The following COMMD1 variants were observed in gnomAD, a reference collection of about 807,000 sequenced individuals.
The protein encoded by COMMD1 is COMM domain-containing protein 1.
COMMD1 carries 10 observed loss-of-function variants against 17.2 expected under a neutral mutation model. That is an observed-to-expected ratio of 0.58 (90% CI 0.36 to 0.99). COMMD1 has a LOEUF of 0.99. Among genes scored for constraint, COMMD1 ranks in the 50% least tolerant of loss-of-function variants. The probability of loss-of-function intolerance (pLI) is 0.01; values close to 1 mark genes in which losing one functional copy is unlikely to be tolerated. For synonymous variants in COMMD1, 97 were observed against 91.6 expected (o/e 1.06, Z -0.34); for missense variants, 270 against 231.8 (o/e 1.17, Z -1.07).
intron 1 of COMMD1, among the ~76,000 whole-genome samples, chr2:61,895,864 C>T (rs1669538808): frequency 2.0e-5 from 3 of 152,148 alleles, no homozygotes; most frequent in Admixed American, 2.0e-4. Context: ...CCAACACCAG[C>T]CCTACTGACC....
chr2:61,918,377 G>A (rs1164776359), intron 1 of COMMD1, among the ~76,000 whole-genome samples: 1 of 152,174 alleles, frequency 6.6e-6, no homozygotes, highest in Non-Finnish European at 1.5e-5. Context: ...ATAGACAAAT[G>A]ACTGATGTTA....
chr2:61,924,376 GA>G lies in COMMD1; in HGVS notation c.180+18519del, dbSNP rs1294617753. Among the ~76,000 whole-genome samples, 263 of 146,502 alleles carry G rather than the reference GA, an allele frequency of 1.8e-3. 1 individual carries two copies. Among genetic ancestry groups the G allele is most frequent in the African/African-American group, 6.1e-3 (246 of 40,390 alleles). On this transcript the variant is annotated intron_variant, in intron 1 of 2. Coordinates refer to ENST00000311832, the MANE Select transcript of COMMD1 (RefSeq NM_152516.4). The stretch of plus-strand genomic sequence containing the variant: ...TGGTGGTAGGGAGGACTCAGAGTCG[GA>G]GGGGGGATGGTTGGAGAGGGGGGAA...
At chr2:61,888,468 C>T (rs774931467), upstream of COMMD1, 5 of 1,611,998 alleles carry the variant, frequency 3.1e-6, no homozygotes, top group Non-Finnish European at 3.4e-6. Flanking sequence ...CCGGCAGCCC[C>T]GGCAGTCGCC....
At chr2:62,053,067 G>T (rs976428406) in intron 2 of COMMD1, among the ~76,000 whole-genome samples, 1 of 152,158 alleles carries the variant, frequency 6.6e-6, no homozygotes, top group Non-Finnish European at 1.5e-5. Context: ...GTGACAGAGA[G>T]ATCCTGTCTC....
At chr2:62,110,740 G>C (rs982975581) in intron 2 of COMMD1, among the ~76,000 whole-genome samples, 1 of 151,974 alleles carries the variant, frequency 6.6e-6, no homozygotes, top group African/African-American at 2.4e-5. Flanking sequence ...TATGAGGGAG[G>C]AAAAATAATT....
intron 1 of COMMD1, among the ~76,000 whole-genome samples, chr2:61,920,310 A>G (rs1324430029): frequency 1.3e-5 from 2 of 152,136 alleles, no homozygotes; most frequent in African/African-American, 4.8e-5. Flanking sequence ...ATGAAGTTGG[A>G]TACTATGCTA....
At chr2:61,964,956 G>A (rs1671468089) in intron 1 of COMMD1, among the ~76,000 whole-genome samples, 1 of 151,934 alleles carries the variant, frequency 6.6e-6, no homozygotes, top group African/African-American at 2.4e-5. Context: ...GAATCGCTTG[G>A]ACCTGGGAGG....
intron 2 of COMMD1, among the ~76,000 whole-genome samples, chr2:62,024,474 T>C (rs926205786): frequency 7.2e-5 from 11 of 152,236 alleles, no homozygotes; most frequent in Non-Finnish European, 1.3e-4. Flanking sequence ...ATACATCCTT[T>C]GCTATTGATA....
intron 2 of COMMD1, among the ~76,000 whole-genome samples, chr2:62,121,367 T>C (rs1433255072): frequency 3.9e-5 from 2 of 50,670 alleles, no homozygotes; most frequent in Admixed American, 2.0e-4. Context: ...GAGAGACTCT[T>C]TCTCAAAAAA....
In COMMD1 at chr2:62,074,993, G is replaced by A. The variant is rs188464165; in HGVS notation, c.463-60838G>A. Among the ~76,000 whole-genome samples, 557 of 149,664 alleles carry A rather than the reference G, an allele frequency of 3.7e-3. 7 individuals are homozygous for A. Among genetic ancestry groups the A allele is most frequent in the Admixed American group, 5.9e-3 (88 of 14,872 alleles). On this transcript the variant is annotated intron_variant, in intron 2 of 2. Coordinates refer to ENST00000311832, the MANE Select transcript of COMMD1 (RefSeq NM_152516.4). ...CAACTACTGCCTCCCGGGTTCAAGC[G>A]ATTCTCCTGCCTCAGCCTCCCTAGT...
chr2:61,934,635 T>C (rs1454800031), intron 1 of COMMD1, among the ~76,000 whole-genome samples: 1 of 152,156 alleles, frequency 6.6e-6, no homozygotes, highest in African/African-American at 2.4e-5. Context: ...AATGGTAGGC[T>C]GTCATGAAAA....
At chr2:62,087,989 A>T (rs17018903) in intron 2 of COMMD1, among the ~76,000 whole-genome samples, 7,384 of 152,146 alleles carry the variant, frequency 0.049, 617 homozygotes, top group African/African-American at 0.17. Context: ...TTTTTCTTGA[A>T]CTGTTCTGGC....
intron 2 of COMMD1, among the ~76,000 whole-genome samples, chr2:62,102,306 C>T (rs1480330999): frequency 6.6e-6 from 1 of 152,104 alleles, no homozygotes; most frequent in Non-Finnish European, 1.5e-5. Flanking sequence ...TTTTGATATT[C>T]CCTCTGCTTC....
intron 2 of COMMD1, among the ~76,000 whole-genome samples, chr2:62,008,907 C>T (rs1194985850): frequency 6.6e-6 from 1 of 152,106 alleles, no homozygotes; most frequent in African/African-American, 2.4e-5. Context: ...CCTCAGTCTC[C>T]CAAGTAGCTG....
rs538777503 is a variant in COMMD1 at position 62,095,702 on chromosome 2, AGATAATAATG to A, written c.463-40125_463-40116del. On this transcript the variant is annotated intron_variant, in intron 2 of 2. Coordinates refer to ENST00000311832, the MANE Select transcript of COMMD1 (RefSeq NM_152516.4). ...ACTGTTAGTGAAAACCTAAATAACA[AGATAATAATG>A]GATTCAGCCTCAAAAGGATAATCAC... 1.5e-3 allele frequency among the ~76,000 whole-genome samples: 225 copies of A among 150,508 alleles called. 2 individuals are homozygous for A. Among genetic ancestry groups the A allele is most frequent in the African/African-American group, 4.3e-3 (177 of 40,798 alleles).
At chr2:62,111,131 G>A (rs989464019) in intron 2 of COMMD1, among the ~76,000 whole-genome samples, 3 of 152,146 alleles carry the variant, frequency 2.0e-5, no homozygotes, top group African/African-American at 7.2e-5. Context: ...CTTTATAGAT[G>A]TGCATTTCAC....
chr2:62,012,773 C>T (rs555151325), intron 2 of COMMD1, among the ~76,000 whole-genome samples: 46 of 152,306 alleles, frequency 3.0e-4, no homozygotes, highest in African/African-American at 1.1e-3. Flanking sequence ...GGAAGATTCA[C>T]TTAGCTAGTG....
chr2:62,028,270 C>T (rs2103870160), intron 2 of COMMD1, among the ~76,000 whole-genome samples: 1 of 152,086 alleles, frequency 6.6e-6, no homozygotes, highest in South Asian at 2.1e-4. Flanking sequence ...CTTCTTTTTT[C>T]AATATAAAAG....
chr2:62,013,932 AT>A (rs1669360468), intron 2 of COMMD1, among the ~76,000 whole-genome samples: 1 of 152,190 alleles, frequency 6.6e-6, no homozygotes, highest in African/African-American at 2.4e-5. Context: ...TGCTGAAGTA[AT>A]TTTATTTTTA....
Sources: allele counts gnomAD v4.1 joint callset (sites outside exome capture counted in the v4.1 genomes callset), GRCh38; gene constraint gnomAD v4.1.1; transcripts MANE v1.5; gene names NCBI Gene and HGNC (gene_info 2026-07-23, HGNC 2026-07-21).